The following SH3BP1 variants were observed in gnomAD, a reference collection of about 807,000 sequenced individuals.
The protein encoded by SH3BP1 is SH3 domain binding protein 1, also known as SH3 domain-binding protein 1.
SH3BP1 carries 46 observed loss-of-function variants against 69.8 expected under a neutral mutation model. The ratio of observed to expected loss-of-function variants is 0.66; its 90% confidence interval spans 0.52 to 0.84. SH3BP1 has a LOEUF of 0.84. Ranked by LOEUF, SH3BP1 falls within the 40% of genes least tolerant of loss-of-function variation. The probability of loss-of-function intolerance (pLI) is 0.00; values close to 1 mark genes in which losing one functional copy is unlikely to be tolerated. For missense variants in SH3BP1, 868 were observed against 930.9 expected, an observed-to-expected ratio of 0.93 and a Z score of 0.88; for synonymous variants, 403 against 378.0, an observed-to-expected ratio of 1.07 and a Z score of -0.77.
At position 37,655,992 on chromosome 22, in the gene SH3BP1, C is replaced by T. The variant is rs12483880; in HGVS notation, c.*308C>T. 647,956 of 1,488,060 alleles carry T rather than the reference C, an allele frequency of 0.44. 142,638 individuals carry two copies. The highest frequency in any genetic ancestry group is 0.51 in the East Asian group (17,452 of 33,984). 92.2% of individuals were successfully genotyped at this position (1,488,060 alleles called of 1,614,324 possible). A position where few individuals can be genotyped will look rare whatever the true frequency, so the allele number is the denominator to read the frequency against. ...TCCTACGGGACTGATTCTTCTCTTGCCGACATGTTTTTTGTAAGGCTGGTA... is the reference window on the plus strand; with the variant it reads ...TCCTACGGGACTGATTCTTCTCTTGTCGACATGTTTTTTGTAAGGCTGGTA... On this transcript the variant is annotated 3_prime_UTR_variant, in exon 18 of 18. Transcript: ENST00000649765.
chr22:37,649,880 C>T, intron 14 of SH3BP1: 2 of 559,494 alleles, frequency 3.6e-6, no homozygotes, highest in Admixed American at 2.6e-5. Context: ...AGATTTCCTC[C>T]CACGTGCTGA....
At chr22:37,640,012 T>G (rs1256901058) in intron 1 of SH3BP1, among the ~76,000 whole-genome samples, 166 bp downstream of exon 1, 3 of 152,054 alleles carry the variant, frequency 2.0e-5, no homozygotes, top group Non-Finnish European at 2.9e-5. Flanking sequence ...GCCGCCCCCG[T>G]CTCTCGGGCA....
At chr22:37,649,494 A>G in intron 14 of SH3BP1, among the ~76,000 whole-genome samples, 1 of 150,708 alleles carries the variant, frequency 6.6e-6, no homozygotes, top group East Asian at 2.0e-4. Flanking sequence ...TCTAAAAATG[A>G]AGAAATAGGC....
chr22:37,643,603 C>G (rs781266308), intron 6 of SH3BP1, 41 bp from the exon 7 acceptor site: 11 of 1,613,720 alleles, frequency 6.8e-6, no homozygotes, highest in South Asian at 6.6e-5. Context: ...TCTGGACATG[C>G]AACAGGGCAG....
rs749090145 is a variant in SH3BP1 at position 37,650,672 on chromosome 22, G to GGCTCCA, written c.1557_1562dup (p.Pro523_Ala524dup). On this transcript the variant is annotated inframe_insertion, in exon 16 of 18. Coordinates refer to ENST00000649765, the MANE Select transcript of SH3BP1 (RefSeq NM_018957.6). ...CAGCCACCACCCCGGCTCCGGCTCC[G>GGCTCCA]GCTCCAGCTCCAGCTCCGGCCCCAG... The GGCTCCA allele has an allele frequency of 4.4e-5, 71 of 1,613,600 alleles. No individual in the cohort carries two copies. Among genetic ancestry groups the GGCTCCA allele is most frequent in the Admixed American group, 1.5e-4 (9 of 59,972 alleles).
chr22:37,643,735 G>C lies in SH3BP1; in HGVS notation c.565G>C (p.Glu189Gln). 1 of 1,613,994 alleles carries C rather than the reference G, an allele frequency of 6.2e-7. No individual in the cohort carries two copies. Among genetic ancestry groups the C allele is most frequent in the Non-Finnish European group, 8.5e-7 (1 of 1,180,018 alleles). Reference protein sequence around the residue: ...HSHTTMANKVETLKEEEEELK... With the variant: ...HSHTTMANKVQTLKEEEEELK... The stretch of plus-strand genomic sequence containing the variant: ...CCATACGACCATGGCCAACAAGGTG[G>C]AGACGCTGAAGGAGGAGGAGGAGGA... The change falls in exon 7 of 18, where the codon GAG (glutamate) becomes CAG (glutamine). Residue 189 changes from glutamate (E) to glutamine (Q), a missense_variant. This residue lies in a region of SH3BP1 where 387 missense variants were observed against 447.9 expected (regional missense o/e 0.86). Transcript: ENST00000649765.
Position 37,647,257 on chromosome 22 carries a change from C to A in SH3BP1, c.1037-10C>A. ...GGCTGCCTCTGACCCTCCCCACACC[C>A]CTCCTTCAGGTGCCCTCAAGTCCTA... On this transcript the variant is annotated splice_polypyrimidine_tract_variant and intron_variant, in intron 11 of 17. Coordinates refer to ENST00000649765, the MANE Select transcript of SH3BP1 (RefSeq NM_018957.6). 1 of 1,613,586 alleles carries A rather than the reference C, an allele frequency of 6.2e-7. No homozygotes were observed. The highest frequency in any genetic ancestry group is 1.1e-5 in the South Asian group (1 of 91,062).
intron 11 of SH3BP1, 79 bp from the exon 12 acceptor site, chr22:37,647,188 G>C: frequency 7.8e-7 from 1 of 1,276,420 alleles, no homozygotes; most frequent in Non-Finnish European, 1.1e-6. Flanking sequence ...GTGTGAACAA[G>C]GGCCGGAGGT....
intron 3 of SH3BP1, chr22:37,642,229 T>C (rs1932623155): frequency 2.5e-6 from 1 of 403,260 alleles, no homozygotes; most frequent in Non-Finnish European, 4.7e-6. Flanking sequence ...CCTCCACCTG[T>C]GTGACCTGGG....
chr22:37,648,250 A>T (rs777961922), intron 13 of SH3BP1, 69 bp from the exon 14 acceptor site: 215 of 1,095,576 alleles, frequency 2.0e-4, no homozygotes, highest in Admixed American at 2.2e-4. Flanking sequence ...CTCTTTGGAA[A>T]CCCTGGGCTG....
Position 37,642,600 on chromosome 22 carries a change from C to A in SH3BP1, c.269C>A (p.Pro90His). The change falls in exon 4 of 18, where the codon CCT (proline) becomes CAT (histidine). Residue 90 changes from proline to histidine, a missense_variant. Transcript: ENST00000649765. ...GCTGAGAGCTTCAAGGAGCTGGACCCTGATTCCAGCATGGGGTGAGCACAG... is the reference window on the plus strand; with the variant it reads ...GCTGAGAGCTTCAAGGAGCTGGACCATGATTCCAGCATGGGGTGAGCACAG... The part of the protein sequence containing the change: ...TMAESFKELD[P>H]DSSMGKALEM... 1 of 1,613,414 alleles carries A rather than the reference C, an allele frequency of 6.2e-7. No homozygotes were observed. The highest frequency in any genetic ancestry group is 1.1e-5 in the South Asian group (1 of 91,080).
rs1932818498 is a variant in SH3BP1, at chr22:37,648,323, C to T, written c.1204C>T (p.Leu402=). ...TAAGCCTGCCTCCGCCCTTAGGTAC[C>T]TGATGAAGTTCCTGGCACGGCTGGC... ...PPENLSNLRY[L]MKFLARLAEE... is the part of the protein sequence containing the mutation. Residue 402 remains leucine (L), a synonymous_variant, in exon 14 of 18, where the codon CTG becomes TTG. Coordinates refer to ENST00000649765, the MANE Select transcript of SH3BP1 (RefSeq NM_018957.6). 6.3e-7 allele frequency: 1 copy of T among 1,583,568 alleles called. No homozygotes were observed. The highest frequency in any genetic ancestry group is 1.2e-5 in the South Asian group (1 of 86,418).
At chr22:37,639,926 T>TGGGGGTTTCGGGGGGG in intron 1 of SH3BP1, 80 bp downstream of exon 1, 1 of 496,956 alleles carries the variant, frequency 2.0e-6, no homozygotes, top group Non-Finnish European at 3.6e-6. Context: ...GAGACGGGGG[T>TGGGGGTTTCGGGGGGG]GGGGGAGGCT....
rs754892177 is a variant in SH3BP1 at position 37,644,600 on chromosome 22, C to T, written c.619-37C>T. 5.6e-6 allele frequency: 9 copies of T among 1,605,968 alleles called. No homozygotes were observed. In the Admixed American group the frequency reaches 1.2e-4, roughly 21 times the overall value. ...CCTCTTCCCCTCTAGACCCCACAGC[C>T]TCACCCAACGTAAGCTCTCCCCTCT... On this transcript the variant is annotated intron_variant, in intron 7 of 17. Coordinates refer to ENST00000649765, the MANE Select transcript of SH3BP1 (RefSeq NM_018957.6).
At chr22:37,653,700 G>A in intron 16 of SH3BP1, 79 bp from the exon 17 acceptor site, 1 of 934,974 alleles carries the variant, frequency 1.1e-6, no homozygotes, top group South Asian at 1.4e-5. Flanking sequence ...ACTCCACCTG[G>A]CAGCTGGAGA....
At chr22:37,648,655 A>G in intron 14 of SH3BP1, 1 of 380,594 alleles carries the variant, frequency 2.6e-6, no homozygotes, top group South Asian at 2.9e-5. Flanking sequence ...GGTGGTGATG[A>G]GGTGTTTAGT....
chr22:37,651,223 G>A (rs558898330), intron 16 of SH3BP1, among the ~76,000 whole-genome samples: 1 of 152,006 alleles, frequency 6.6e-6, no homozygotes, highest in Non-Finnish European at 1.5e-5. Context: ...AAGTAGAGAT[G>A]GGGTTTCGCC....
rs746090811 is a variant in SH3BP1 at position 37,655,311 on chromosome 22, C to A, written c.1733C>A (p.Pro578His). ...CCAGCCCGGCCCACCATGCCGCCCC[C>A]CCAGGTCTCCGGCTCCCGCTCCTCC... ...PAPARPTMPP[P>H]QVSGSRSSPP... is the part of the protein sequence containing the mutation. The change falls in exon 18 of 18, where the codon CCC becomes CAC. Residue 578 changes from proline (P) to histidine (H), a missense_variant. Coordinates refer to ENST00000649765, the MANE Select transcript of SH3BP1 (RefSeq NM_018957.6). The A allele has an allele frequency of 1.9e-6, 3 of 1,564,794 alleles. No homozygotes were observed. The highest frequency in any genetic ancestry group is 2.3e-5 in the South Asian group (2 of 87,660).
At chr22:37,645,570 G>T (rs533998305) in intron 10 of SH3BP1, 60 bp downstream of exon 10, 3 of 1,539,758 alleles carry the variant, frequency 1.9e-6, no homozygotes, top group African/African-American at 1.4e-5. Flanking sequence ...GTCCCAAACC[G>T]CCCACTTGCT....
Sources: allele counts gnomAD v4.1 joint callset (sites outside exome capture counted in the v4.1 genomes callset), GRCh38; gene constraint gnomAD v4.1.1; regional missense constraint gnomAD v4.1.1; transcripts MANE v1.5; gene names NCBI Gene and HGNC (gene_info 2026-07-23, HGNC 2026-07-21).